CNGB3: variants seen among roughly 807,000 people sequenced by gnomAD.
The protein encoded by CNGB3 is cyclic nucleotide-gated channel beta-3.
Under a neutral mutation model 92.8 loss-of-function variants are expected in CNGB3, and 86 were observed. That is an observed-to-expected ratio of 0.93 (90% CI 0.78 to 1.11). CNGB3 has a LOEUF of 1.11. Ranked by LOEUF, CNGB3 falls within the 50% of genes least tolerant of loss-of-function variation. The pLI, the probability that CNGB3 is intolerant of heterozygous loss-of-function variation, is 0.00. For synonymous variants in CNGB3, 333 were observed against 332.7 expected (o/e 1.00, Z -0.01); for missense variants, 1,026 against 956.8 (o/e 1.07, Z -0.95).
At chr8:86,650,474 T>G (rs1366636680) in intron 7 of CNGB3, among the ~76,000 whole-genome samples, 2 of 150,638 alleles carry the variant, frequency 1.3e-5, no homozygotes, top group African/African-American at 4.9e-5. Context: ...GCAAAAAATA[T>G]GGAACCAACC....
At chr8:86,661,496 C>T (rs1340857914) in intron 6 of CNGB3, 29 of 633,992 alleles carry the variant, frequency 4.6e-5, no homozygotes, top group Non-Finnish European at 2.1e-5. Context: ...CTGAAACTTG[C>T]ACTGACCCAA....
intron 10 of CNGB3, among the ~76,000 whole-genome samples, chr8:86,633,625 G>C (rs7006777): frequency 0.054 from 8,224 of 152,192 alleles, 742 homozygotes; most frequent in African/African-American, 0.19. Context: ...TGTCAGTCAA[G>C]TCACTAAGGC....
Position 86,625,990 on chromosome 8 carries a change from A to G in CNGB3, c.1571T>C (p.Leu524Ser). The stretch of plus-strand genomic sequence containing the variant: ...AATTGTAAAAGCACTTGCCTTGAAC[A>G]AGTCGACTTTGCTGATGATGCTGAA... The part of the protein sequence containing the change: ...VNFSIISKVD[L>S]FKGCDTQMIY... The change falls in exon 13 of 18, where the codon TTG becomes TCG. Residue 524 changes from leucine (L) to serine (S), a missense_variant. Coordinates refer to ENST00000320005, the MANE Select transcript of CNGB3 (RefSeq NM_019098.5). The G allele has an allele frequency of 6.2e-7, 1 of 1,613,238 alleles. No individual in the cohort carries two copies. The highest frequency in any genetic ancestry group is 8.5e-7 in the Non-Finnish European group (1 of 1,179,384).
chr8:86,660,670 G>A (rs533242671), intron 6 of CNGB3: 10 of 531,998 alleles, frequency 1.9e-5, no homozygotes, highest in African/African-American at 1.7e-4. Context: ...CTTTTGTGTA[G>A]GCACAGCTAC....
rs112841291 is a variant in CNGB3, at chr8:86,629,333, C to T, written c.1321-255G>A. Among the ~76,000 whole-genome samples the T allele has an allele frequency of 7.6e-4, 115 of 152,246 alleles. 1 individual carries two copies. The South Asian group carries it at 0.012, about 15-fold the overall frequency. ...GGGCAAATTATATTCTCTCTCTGAT[C>T]CAATAAGGACAACAATAAGACCTGT... On this transcript the variant is annotated intron_variant, in intron 11 of 17. Coordinates refer to ENST00000320005, the MANE Select transcript of CNGB3 (RefSeq NM_019098.5).
intron 3 of CNGB3, among the ~76,000 whole-genome samples, chr8:86,694,084 C>T (rs1824381597): frequency 9.2e-6 from 1 of 108,200 alleles, no homozygotes; most frequent in Non-Finnish European, 2.0e-5. Context: ...GGGCTGACCC[C>T]CCCACCTCCC....
chr8:86,609,015 G>A (rs1238965024), intron 14 of CNGB3, among the ~76,000 whole-genome samples: 3 of 152,126 alleles, frequency 2.0e-5, no homozygotes, highest in African/African-American at 2.4e-5. Flanking sequence ...GAAGCCCACC[G>A]ACCCTGTGGG....
In CNGB3 at chr8:86,632,883, A is replaced by G; in HGVS notation, c.1189T>C (p.Cys397Arg). Residue 397 changes from cysteine to arginine, a missense_variant, in exon 11 of 18, where the codon TGT becomes CGT. Physicochemically the swap from Cys to Arg is radical, Grantham distance 180 (BLOSUM62 -3). Coordinates refer to ENST00000320005, the MANE Select transcript of CNGB3 (RefSeq NM_019098.5). ...YDGEGNEYLRCYYWAVRTLIT... is the reference protein window; with the variant it reads ...YDGEGNEYLRRYYWAVRTLIT... Reference sequence around the variant, plus strand: ...AAAGTTCGAACTGCCCAATAATAACATCTCAGATACCTGTGAAAACAGAAG... The same window carrying G: ...AAAGTTCGAACTGCCCAATAATAACGTCTCAGATACCTGTGAAAACAGAAG... The G allele has an allele frequency of 1.2e-6, 2 of 1,612,360 alleles. No homozygotes were observed. Among genetic ancestry groups the G allele is most frequent in the Non-Finnish European group, 1.7e-6 (2 of 1,179,740 alleles).
At chr8:86,621,684 T>G (rs1330562320) in intron 13 of CNGB3, among the ~76,000 whole-genome samples, 1 of 152,296 alleles carries the variant, frequency 6.6e-6, no homozygotes, top group South Asian at 2.1e-4. Flanking sequence ...ATTATTCTTA[T>G]GCCCCTGCAT....
chr8:86,626,559 A>G (rs942752648), intron 12 of CNGB3, among the ~76,000 whole-genome samples: 3 of 152,226 alleles, frequency 2.0e-5, no homozygotes, highest in African/African-American at 7.2e-5. Context: ...CCCCAAGGGT[A>G]AATGTTCTCA....
intron 3 of CNGB3, among the ~76,000 whole-genome samples, chr8:86,711,006 TG>T (rs1373568429): frequency 6.6e-6 from 1 of 152,186 alleles, no homozygotes; most frequent in Admixed American, 6.5e-5. Context: ...CCTATAGCTG[TG>T]TTTTGTTGGA....
rs114008612 is a variant in CNGB3 at position 86,625,468 on chromosome 8, C to T, written c.1578+515G>A. ...AAAAAGAGTAGTAATACTTAAAACA[C>T]TCAAAAAGTTAAAAATTTCTTTGTT... On this transcript the variant is annotated intron_variant, in intron 13 of 17. Coordinates refer to ENST00000320005, the MANE Select transcript of CNGB3 (RefSeq NM_019098.5). Among the ~76,000 whole-genome samples, 493 of 152,170 alleles carry T rather than the reference C, an allele frequency of 3.2e-3. 1 individual carries two copies. The highest frequency in any genetic ancestry group is 0.011 in the African/African-American group (461 of 41,528).
intron 3 of CNGB3, among the ~76,000 whole-genome samples, chr8:86,691,486 C>A (rs748889637): frequency 6.6e-6 from 1 of 152,142 alleles, no homozygotes; most frequent in African/African-American, 2.4e-5. Context: ...TTTCCCCATT[C>A]AGTACTATGT....
intron 6 of CNGB3, among the ~76,000 whole-genome samples, chr8:86,664,121 AC>A (rs1329324130): frequency 6.6e-6 from 1 of 152,154 alleles, no homozygotes; most frequent in Non-Finnish European, 1.5e-5. Flanking sequence ...TGGTGATTTA[AC>A]TAATGCTATA....
intron 12 of CNGB3, among the ~76,000 whole-genome samples, chr8:86,628,011 T>C (rs963783399): frequency 1.3e-5 from 2 of 152,190 alleles, no homozygotes; most frequent in Non-Finnish European, 2.9e-5. Context: ...TTCTTTTCCT[T>C]ATAATTTTCT....
intron 13 of CNGB3, among the ~76,000 whole-genome samples, chr8:86,619,506 G>A (rs1281405775): frequency 6.6e-6 from 1 of 152,030 alleles, no homozygotes; most frequent in Non-Finnish European, 1.5e-5. Flanking sequence ...CCATGTTGAA[G>A]CAGCAAATCT....
At chr8:86,635,997 T>G (rs1474773674) in intron 10 of CNGB3, among the ~76,000 whole-genome samples, 1 of 150,952 alleles carries the variant, frequency 6.6e-6, no homozygotes, top group Non-Finnish European at 1.5e-5. Flanking sequence ...CCCCAATATA[T>G]TTTTATGAAA....
At chr8:86,686,884 G>C in intron 3 of CNGB3, among the ~76,000 whole-genome samples, 1 of 151,992 alleles carries the variant, frequency 6.6e-6, no homozygotes, top group Admixed American at 6.6e-5. Context: ...TTCAAGTTTT[G>C]TAGTGCCAGG....
chr8:86,738,336 A>T (rs1825282027), intron 2 of CNGB3, among the ~76,000 whole-genome samples: 1 of 152,192 alleles, frequency 6.6e-6, no homozygotes, highest in Admixed American at 6.5e-5. Flanking sequence ...TCCTGCAGGC[A>T]ATATGCAAGC....
Sources: gnomAD v4.1 joint callset for allele counts (sites outside exome capture counted in the v4.1 genomes callset) on GRCh38, gnomAD v4.1.1 for gene constraint, MANE v1.5 for transcripts, NCBI Gene and HGNC (gene_info 2026-07-23, HGNC 2026-07-21) for gene names.